TXNDC11: variants seen among roughly 807,000 people sequenced by gnomAD.
TXNDC11 encodes thioredoxin domain-containing protein 11.
TXNDC11 carries 68 observed loss-of-function variants against 78.0 expected under a neutral mutation model. The ratio of observed to expected loss-of-function variants is 0.87; its 90% CI spans 0.72 to 1.07. TXNDC11 has a LOEUF of 1.07. TXNDC11 is among the 50% of genes least tolerant of loss of function. TXNDC11 has a pLI of 0.00. For missense variants in TXNDC11, 1,389 were observed against 1,221.8 expected (o/e 1.14, Z -2.04); for synonymous variants, 571 against 495.2 (o/e 1.15, Z -2.03).
intron 5 of TXNDC11, among the ~76,000 whole-genome samples, chr16:11,714,524 C>CA (rs1283913175): frequency 6.6e-6 from 1 of 151,966 alleles, no homozygotes; most frequent in African/African-American, 2.4e-5. Flanking sequence ...CCTGTAGTCC[C>CA]AGCTACTCGG....
At chr16:11,702,864 T>C (rs2051072069) in intron 5 of TXNDC11, among the ~76,000 whole-genome samples, 3 of 152,242 alleles carry the variant, frequency 2.0e-5, no homozygotes, top group African/African-American at 4.8e-5. Flanking sequence ...CCGACAAGGA[T>C]GAGGTCGGAG....
At chr16:11,738,205 AC>A (rs2052284378) in intron 1 of TXNDC11, among the ~76,000 whole-genome samples, 1 of 152,248 alleles carries the variant, frequency 6.6e-6, no homozygotes, top group South Asian at 2.1e-4. Flanking sequence ...ATGCACTATG[AC>A]TGCATTTATA....
At chr16:11,709,423 ATTTTTTTTTTTTTTTTTT>A (rs149701958) in intron 5 of TXNDC11, among the ~76,000 whole-genome samples, 1 of 55,592 alleles carries the variant, frequency 1.8e-5, no homozygotes, top group Non-Finnish European at 3.2e-5. Flanking sequence ...AATTTTTTGT[ATTTTTTTTTTTTTTTTTT>A]TTTTTTTTTT....
At chr16:11,709,664 T>A (rs1343701392) in intron 5 of TXNDC11, among the ~76,000 whole-genome samples, 1 of 151,808 alleles carries the variant, frequency 6.6e-6, no homozygotes, top group Non-Finnish European at 1.5e-5. Flanking sequence ...CTCGATCTCC[T>A]GACCTCGTGA....
chr16:11,732,309 G>A (rs998803370), intron 3 of TXNDC11, among the ~76,000 whole-genome samples: 11 of 152,066 alleles, frequency 7.2e-5, no homozygotes, highest in East Asian at 1.9e-4. Flanking sequence ...GTCACATCAC[G>A]TTATGTCCAC....
At position 11,742,690 on chromosome 16, in the gene TXNDC11, C is replaced by G; in HGVS notation, c.41G>C (p.Ser14Thr). 1.4e-6 allele frequency: 2 copies of G among 1,469,102 alleles called. No individual in the cohort carries two copies. The highest frequency in any genetic ancestry group is 1.8e-6 in the Non-Finnish European group (2 of 1,117,722). 91.0% of individuals were successfully genotyped at this position (1,469,102 alleles called of 1,614,324 possible). A position where few individuals can be genotyped will look rare whatever the true frequency, so the allele number is the denominator to read the frequency against. The stretch of plus-strand genomic sequence containing the variant: ...CCCTCCCTCGTCCTCGGCGTCCTCG[C>G]TGCTGCTGCTGCCGCCGCCGCGGCC... ...CGGRGGGSSS[S>T]EDAEDEGGGG... Residue 14 changes from serine to threonine, a missense_variant, in exon 1 of 12, where the codon AGC becomes ACC. By Grantham distance (58) the Ser-to-Thr change is moderately conservative (BLOSUM62 1). Coordinates refer to ENST00000283033, the MANE Select transcript of TXNDC11 (RefSeq NM_015914.7).
At chr16:11,705,978 T>A (rs1296013706) in intron 5 of TXNDC11, among the ~76,000 whole-genome samples, 1 of 152,194 alleles carries the variant, frequency 6.6e-6, no homozygotes, top group Non-Finnish European at 1.5e-5. Flanking sequence ...AATTATTTTG[T>A]CCTAAAAGTA....
chr16:11,738,312 C>G (rs577836911), intron 1 of TXNDC11, among the ~76,000 whole-genome samples: 2 of 152,222 alleles, frequency 1.3e-5, no homozygotes, highest in African/African-American at 4.8e-5. Flanking sequence ...AGCTTTCAGT[C>G]TATGCAGAAT....
chr16:11,695,694 C>T (rs989535116), intron 7 of TXNDC11, among the ~76,000 whole-genome samples: 1 of 152,112 alleles, frequency 6.6e-6, no homozygotes, highest in Admixed American at 6.5e-5. Context: ...GAAAAACGTT[C>T]GTAATGATAA....
At chr16:11,737,624 GAAGCCGAGGC>G (rs1437183456) in intron 1 of TXNDC11, among the ~76,000 whole-genome samples, 4 of 151,964 alleles carry the variant, frequency 2.6e-5, no homozygotes, top group Admixed American at 2.6e-4. Flanking sequence ...AGCACTGTGG[GAAGCCGAGGC>G]AGGCAGACCA....
rs778737211 is a variant in TXNDC11 at position 11,730,781 on chromosome 16, C to T, written c.570-7G>A. 4 of 1,526,636 alleles carry T rather than the reference C, an allele frequency of 2.6e-6. No homozygotes were observed. The highest frequency in any genetic ancestry group is 2.6e-6 in the Non-Finnish European group (3 of 1,134,552). The allele number at this position is 1,526,636 out of a possible 1,614,324, so 94.6% of individuals were successfully genotyped here. A position where few individuals can be genotyped will look rare whatever the true frequency, so the allele number is the denominator to read the frequency against. On this transcript the variant is annotated splice_polypyrimidine_tract_variant and splice_region_variant and intron_variant, in intron 3 of 11. Coordinates refer to ENST00000283033, the MANE Select transcript of TXNDC11 (RefSeq NM_015914.7). ...GTATTCGATTGGTCCAAAACTAGTA[C>T]CAAAAAATAAAAATAAAAATAAAAA... is the stretch of plus-strand genomic sequence containing the variant.
At chr16:11,689,425 A>T (rs1385379605) in intron 8 of TXNDC11, among the ~76,000 whole-genome samples, 2 of 152,248 alleles carry the variant, frequency 1.3e-5, no homozygotes, top group African/African-American at 4.8e-5. Flanking sequence ...CATGAAACCA[A>T]GAATTATTTC....
intron 5 of TXNDC11, among the ~76,000 whole-genome samples, chr16:11,720,790 G>C (rs967433421): frequency 6.6e-6 from 1 of 151,492 alleles, no homozygotes; most frequent in Admixed American, 6.6e-5. Flanking sequence ...CTGGAGTGCA[G>C]TGGTGCAGTG....
chr16:11,691,294 G>A lies in TXNDC11; in HGVS notation c.1896C>T (p.Thr632=), dbSNP rs1487352136. Residue 632 remains threonine (T), a synonymous_variant, in exon 8 of 12, where the codon ACC becomes ACT. Coordinates refer to ENST00000283033, the MANE Select transcript of TXNDC11 (RefSeq NM_015914.7). ...LDPKQALMKL[T]LESFIQNFSV... is the part of the protein sequence containing the mutation. ...GAAATAAACTGCCTGCAGTACCTAG[G>A]GTGAGCTTCATCAGTGCTTGCTTTG... 1.9e-6 allele frequency: 3 copies of A among 1,611,928 alleles called. No homozygotes were observed. The highest frequency in any genetic ancestry group is 2.5e-6 in the Non-Finnish European group (3 of 1,178,854).
rs558078163 is a variant in TXNDC11, at chr16:11,681,197, C to T, written c.2235-1360G>A. Among the ~76,000 whole-genome samples the T allele has an allele frequency of 4.4e-4, 67 of 152,298 alleles. 1 individual carries two copies. Among genetic ancestry groups the T allele is most frequent in the African/African-American group, 1.6e-3 (65 of 41,548 alleles). On this transcript the variant is annotated intron_variant, in intron 11 of 11. Coordinates refer to ENST00000283033, the MANE Select transcript of TXNDC11 (RefSeq NM_015914.7). ...AAAAACAGAAAACCAAAAAACCCCA[C>T]AACAACTGAAAACACATCGTGGCCC...
At chr16:11,730,835 C>G in intron 3 of TXNDC11, 61 bp from the exon 4 acceptor site, 1 of 1,271,286 alleles carries the variant, frequency 7.9e-7, no homozygotes, top group Non-Finnish European at 1.0e-6. Flanking sequence ...ATGCATTAAG[C>G]CTGTAATGTA....
chr16:11,738,104 T>C (rs1345357886), intron 1 of TXNDC11, among the ~76,000 whole-genome samples: 1 of 152,124 alleles, frequency 6.6e-6, no homozygotes. Context: ...TACTCCACAA[T>C]AAAAACGAAA....
At chr16:11,683,056 A>G (rs1171140176) in intron 11 of TXNDC11, among the ~76,000 whole-genome samples, 2 of 152,222 alleles carry the variant, frequency 1.3e-5, no homozygotes, top group African/African-American at 4.8e-5. Context: ...GATACTGTCA[A>G]AGTCATGTGA....
At chr16:11,690,459 C>T (rs1230437399) in intron 8 of TXNDC11, among the ~76,000 whole-genome samples, 3 of 152,234 alleles carry the variant, frequency 2.0e-5, no homozygotes, top group Admixed American at 6.5e-5. Flanking sequence ...CATTATGAAA[C>T]AGCAGCAGAA....
Sources: gnomAD v4.1 joint callset for allele counts (sites outside exome capture counted in the v4.1 genomes callset) on GRCh38, gnomAD v4.1.1 for gene constraint, MANE v1.5 for transcripts, NCBI Gene and HGNC (gene_info 2026-07-23, HGNC 2026-07-21) for gene names.